The following LCORL variants were observed in gnomAD, a reference collection of about 807,000 sequenced individuals.
The protein encoded by LCORL is ligand-dependent nuclear receptor corepressor-like protein.
LCORL carries 41 observed loss-of-function variants against 141.8 expected under a neutral mutation model. The observed-to-expected ratio is 0.29, with a 90% CI of 0.23 to 0.38. LCORL has a LOEUF of 0.38. Among genes scored for constraint, LCORL ranks in the 10% least tolerant of loss-of-function variants. The probability of loss-of-function intolerance (pLI) is 1.00; values close to 1 mark genes in which losing one functional copy is unlikely to be tolerated. For synonymous variants in LCORL, 618 were observed against 694.1 expected (o/e 0.89, Z 1.72); for missense variants, 1,759 against 2,035.0 (o/e 0.86, Z 2.61).
At chr4:18,014,957 TA>T (rs1724413874) in intron 1 of LCORL, among the ~76,000 whole-genome samples, 1 of 152,222 alleles carries the variant, frequency 6.6e-6, no homozygotes, top group Admixed American at 6.5e-5. Context: ...CTCTGTTATC[TA>T]TCAGCCATGA....
intron 4 of LCORL, among the ~76,000 whole-genome samples, chr4:17,959,914 T>G (rs1316509084): frequency 1.3e-5 from 2 of 152,156 alleles, no homozygotes; most frequent in Non-Finnish European, 2.9e-5. Flanking sequence ...TCTTGCCTTT[T>G]ACTTCAAAGT....
chr4:17,952,082 A>T (rs946164753), intron 4 of LCORL, among the ~76,000 whole-genome samples: 1 of 152,184 alleles, frequency 6.6e-6, no homozygotes, highest in African/African-American at 2.4e-5. Flanking sequence ...ACTTCCACAT[A>T]AAAGTGCTTC....
In LCORL at chr4:17,911,857, G is replaced by C. The variant is rs564572005; in HGVS notation, c.431-2512C>G. 94 of 463,410 alleles carry C rather than the reference G, an allele frequency of 2.0e-4. 2 individuals carry two copies. The highest frequency in any genetic ancestry group is 1.6e-3 in the South Asian group (91 of 56,392). 28.7% of individuals were successfully genotyped at this position (463,410 alleles called of 1,614,324 possible). A position where few individuals can be genotyped will look rare whatever the true frequency, so the allele number is the denominator to read the frequency against. On this transcript the variant is annotated intron_variant, in intron 4 of 7. Transcript: ENST00000635767. ...CTTCCAGGGCGGCTTGAGGTCCGGGGACCTGGCCGTGGGGATGGCCGGGGG... is the reference window on the plus strand; with the variant it reads ...CTTCCAGGGCGGCTTGAGGTCCGGGCACCTGGCCGTGGGGATGGCCGGGGG...
At chr4:17,937,721 T>A (rs1323704190) in intron 4 of LCORL, among the ~76,000 whole-genome samples, 1 of 152,134 alleles carries the variant, frequency 6.6e-6, no homozygotes, top group Non-Finnish European at 1.5e-5. Context: ...TTAAGCCATA[T>A]AAAAAGACAA....
intron 4 of LCORL, among the ~76,000 whole-genome samples, chr4:17,928,853 T>C (rs1172156431): frequency 6.6e-6 from 1 of 152,188 alleles, no homozygotes; most frequent in African/African-American, 2.4e-5. Context: ...AGATTACCAT[T>C]GTATAATCTT....
At chr4:17,880,822 T>A (rs936321004) in intron 6 of LCORL, 6 of 876,732 alleles carry the variant, frequency 6.8e-6, no homozygotes, top group Admixed American at 1.3e-4. Context: ...GACAGATACA[T>A]GAATTCATTA....
intron 7 of LCORL, among the ~76,000 whole-genome samples, chr4:17,860,810 A>G (rs1577264669): frequency 6.6e-6 from 1 of 152,248 alleles, no homozygotes; most frequent in East Asian, 1.9e-4. Flanking sequence ...GACATTGGCC[A>G]AAACACAGGG....
chr4:17,874,785 T>C (rs1726737114), exon 7 of LCORL: 3 of 1,233,884 alleles, frequency 2.4e-6, no homozygotes, highest in Non-Finnish European at 3.0e-6. Flanking sequence ...TAATTTATTA[T>C]CTTCCAAACA....
intron 7 of LCORL, chr4:17,866,822 G>C: frequency 5.4e-6 from 1 of 186,540 alleles, no homozygotes; most frequent in Middle Eastern, 2.6e-3. Flanking sequence ...ATGGTAGTTA[G>C]GAGAGCTGAA....
At chr4:17,876,274 T>C in exon 7 of LCORL, 1 of 1,231,068 alleles carries the variant, frequency 8.1e-7, no homozygotes. Context: ...CAGTGACTAT[T>C]GATAATATTG....
chr4:17,875,009 C>A, exon 7 of LCORL: 1 of 1,233,682 alleles, frequency 8.1e-7, no homozygotes, highest in South Asian at 4.1e-5. Context: ...TAGAATGTCT[C>A]AAAGGTACAG....
chr4:17,929,497 T>C (rs1193555653), intron 4 of LCORL, among the ~76,000 whole-genome samples: 1 of 152,186 alleles, frequency 6.6e-6, no homozygotes, highest in Non-Finnish European at 1.5e-5. Flanking sequence ...TGATGAGTAC[T>C]AAAACAATTC....
chr4:17,842,975 T>C (rs1311767277), exon 8 of LCORL: 2 of 174,752 alleles, frequency 1.1e-5, no homozygotes, highest in Admixed American at 5.8e-5. Flanking sequence ...TTGTCACTTC[T>C]TGAGTTTCAA....
In LCORL at chr4:17,920,144, A is replaced by G. The variant is rs186457063; in HGVS notation, c.431-10799T>C. The stretch of plus-strand genomic sequence containing the variant: ...ATCGAACCCAAAGAGGGGGTCATGG[A>G]ACCCCAACTTGAAGCCAGTCACCCT... On this transcript the variant is annotated intron_variant, in intron 4 of 7. Transcript: ENST00000635767. 6.6e-5 allele frequency among the ~76,000 whole-genome samples: 10 copies of G among 152,320 alleles called. No homozygotes were observed. The East Asian group carries it at 1.9e-3, about 29-fold the overall frequency.
chr4:17,875,551 C>T (rs1726830418), exon 7 of LCORL: 2 of 1,231,154 alleles, frequency 1.6e-6, no homozygotes, highest in South Asian at 4.1e-5. Context: ...CTTGACCTTC[C>T]GTAAATAACA....
intron 1 of LCORL, among the ~76,000 whole-genome samples, chr4:17,991,757 C>A (rs775522830): frequency 1.9e-4 from 29 of 152,258 alleles, no homozygotes; most frequent in Admixed American, 5.9e-4. Flanking sequence ...TCTTAGGGCA[C>A]AAGACCAGCC....
At chr4:18,002,620 A>T (rs1722154640) in intron 1 of LCORL, among the ~76,000 whole-genome samples, 1 of 152,216 alleles carries the variant, frequency 6.6e-6, no homozygotes, top group South Asian at 2.1e-4. Flanking sequence ...ATTACAGTAC[A>T]TCAGACAACC....
rs1039277097 is a variant in LCORL, at chr4:17,873,282, A to G, written c.5602+106T>C. ...TGCCAAGAAATTAGGTTGTCCAAAT[A>G]TTTTGGAAACTAATTAAAACTGCAT... On this transcript the variant is annotated intron_variant, in intron 7 of 7. Coordinates refer to ENST00000635767, the Ensembl canonical transcript of LCORL. The G allele has an allele frequency of 4.1e-6, 3 of 728,528 alleles. No homozygotes were observed. In the African/African-American group the frequency reaches 5.5e-5, roughly 13 times the overall value. The allele number at this position is 728,528 out of a possible 1,614,324, so 45.1% of individuals were successfully genotyped here.
At chr4:17,874,400 C>A in exon 7 of LCORL, 1 of 1,233,742 alleles carries the variant, frequency 8.1e-7, no homozygotes, top group Non-Finnish European at 1.0e-6. Context: ...TTATTACTTC[C>A]AAAGGGTTTC....
Sources: allele counts gnomAD v4.1 joint callset (sites outside exome capture counted in the v4.1 genomes callset), GRCh38; gene constraint gnomAD v4.1.1; transcripts MANE v1.5; gene names NCBI Gene and HGNC (gene_info 2026-07-23, HGNC 2026-07-21).